MIB2: variants seen among roughly 807,000 people sequenced by gnomAD.
MIB2 encodes MIB E3 ubiquitin protein ligase 2.
A neutral mutation model predicts 96.6 loss-of-function variants in MIB2; 78 were observed. The ratio of observed to expected loss-of-function variants is 0.81; its 90% CI spans 0.67 to 0.97. The LOEUF (loss-of-function observed/expected upper bound fraction) is 0.97. MIB2 is among the 50% of genes least tolerant of loss of function. The pLI is 0.00. For missense variants in MIB2, 1,543 were observed against 1,424.0 expected (o/e 1.08, Z -1.35); for synonymous variants, 820 against 629.5 (o/e 1.30, Z -4.53).
Position 1,628,733 on chromosome 1 carries a change from G to A in MIB2, c.2202+11G>A, listed in dbSNP as rs1645061813. On this transcript the variant is annotated intron_variant, in intron 16 of 19. Coordinates refer to ENST00000355826, the MANE Select transcript of MIB2 (RefSeq NM_001170687.4). The stretch of plus-strand genomic sequence containing the variant: ...CAGCTGCTGTCCAGGGTGAGGAAGT[G>A]TGGCGTGGGGTGCTGGAGAGGCTGC... 2 of 1,513,790 alleles carry A rather than the reference G, an allele frequency of 1.3e-6. No individual in the cohort carries two copies. The highest frequency in any genetic ancestry group is 2.4e-5 in the East Asian group (1 of 40,956). The allele number at this position is 1,513,790 out of a possible 1,614,324, so 93.8% of individuals were successfully genotyped here.
At position 1,624,819 on chromosome 1, in the gene MIB2, C is replaced by A; in HGVS notation, c.444C>A (p.Gly148=). The A allele has an allele frequency of 6.2e-7, 1 of 1,613,040 alleles. No homozygotes were observed. The highest frequency in any genetic ancestry group is 8.5e-7 in the Non-Finnish European group (1 of 1,179,974). The change falls in exon 5 of 20, where the codon GGC becomes GGA. Residue 148 remains glycine (G), a synonymous_variant. Coordinates refer to ENST00000355826, the MANE Select transcript of MIB2 (RefSeq NM_001170687.4). ...SRPVTLSPRQ[G]LPRIPLRGIF... is the part of the protein sequence containing the mutation. ...GTGTCACACTGAGTCCCCGCCAGGGCCTCCCGAGGATCCCACTAAGGGGCA... is the reference window on the plus strand; with the variant it reads ...GTGTCACACTGAGTCCCCGCCAGGGACTCCCGAGGATCCCACTAAGGGGCA...
At position 1,627,409 on chromosome 1, in the gene MIB2, C is replaced by A; in HGVS notation, c.1488C>A (p.Asp496Glu). Residue 496 changes from aspartate (D) to glutamate (E), a missense_variant, in exon 12 of 20, where the codon GAC (aspartate) becomes GAA (glutamate). Transcript: ENST00000355826. ...GGGCGGGCGTGGACCTGCCGGACGA[C>A]GAGGGCAACACGGCACTGCACTACG... The part of the protein sequence containing the change: ...QARAGVDLPD[D>E]EGNTALHYAA... The A allele has an allele frequency of 1.2e-6, 2 of 1,612,834 alleles. No individual in the cohort carries two copies. Among genetic ancestry groups the A allele is most frequent in the East Asian group, 2.2e-5 (1 of 44,858 alleles).
intron 4 of MIB2, 199 bp downstream of exon 4, chr1:1,624,144 G>A (rs1024456853): frequency 3.2e-5 from 20 of 632,544 alleles, no homozygotes; most frequent in Non-Finnish European, 5.3e-5. Flanking sequence ...GGCAGCAGTG[G>A]CCATCAGGCA....
At position 1,628,628 on chromosome 1, in the gene MIB2, C is replaced by T; in HGVS notation, c.2108C>T (p.Thr703Ile). Residue 703 changes from threonine (T) to isoleucine (I), a missense_variant, in exon 16 of 20, where the codon ACA becomes ATA. Thr to Ile is a moderately conservative substitution (Grantham distance 89). Transcript: ENST00000355826. ...SVNAEDEEGD[T>I]ALHVALQRHQ... ...AACGCCGAGGACGAGGAGGGGGACA[C>T]AGCCCTGCACGTGGCGCTGCAGCGT... 1 of 1,597,490 alleles carries T rather than the reference C, an allele frequency of 6.3e-7. No homozygotes were observed. The highest frequency in any genetic ancestry group is 1.1e-5 in the South Asian group (1 of 89,662).
At position 1,625,856 on chromosome 1, in the gene MIB2, G is replaced by A. The variant is rs1416453289; in HGVS notation, c.972+203G>A. On this transcript the variant is annotated intron_variant, in intron 8 of 19. Coordinates refer to ENST00000355826, the MANE Select transcript of MIB2 (RefSeq NM_001170687.4). This position sits in a 1 kb window ranked among gnomAD's most constrained non-coding sequence, Gnocchi z 5.0. ...GTTGGGTGTGAAGGAACCCAGAGGA[G>A]GGTATGTCTCTGGGAGCTGGAATGG... 2 of 590,904 alleles carry A rather than the reference G, an allele frequency of 3.4e-6. No individual in the cohort carries two copies. Among genetic ancestry groups the A allele is most frequent in the Non-Finnish European group, 6.1e-6 (2 of 330,488 alleles). The allele number at this position is 590,904 out of a possible 1,614,324, so 36.6% of individuals were successfully genotyped here. A position where few individuals can be genotyped will look rare whatever the true frequency, so the allele number is the denominator to read the frequency against.
In MIB2 at chr1:1,629,377, C is replaced by G; in HGVS notation, c.2382-8C>G. On this transcript the variant is annotated splice_polypyrimidine_tract_variant and splice_region_variant and intron_variant, in intron 17 of 19. Coordinates refer to ENST00000355826, the MANE Select transcript of MIB2 (RefSeq NM_001170687.4). ...GGGCCCCTCTCAAGCCGCCTCCTCC[C>G]CCTGCAGGGAGCGGCAGGCGGGCGG... 6.9e-7 allele frequency: 1 copy of G among 1,449,618 alleles called. No homozygotes were observed. The highest frequency in any genetic ancestry group is 9.0e-7 in the Non-Finnish European group (1 of 1,115,454). The allele number at this position is 1,449,618 out of a possible 1,614,324, so 89.8% of individuals were successfully genotyped here. A position where few individuals can be genotyped will look rare whatever the true frequency, so the allele number is the denominator to read the frequency against.
chr1:1,625,743 G>T lies in MIB2; in HGVS notation c.972+90G>T. 1 of 1,099,084 alleles carries T rather than the reference G, an allele frequency of 9.1e-7. No individual in the cohort carries two copies. The highest frequency in any genetic ancestry group is 1.3e-6 in the Non-Finnish European group (1 of 752,986). 68.1% of individuals were successfully genotyped at this position (1,099,084 alleles called of 1,614,324 possible). A position where few individuals can be genotyped will look rare whatever the true frequency, so the allele number is the denominator to read the frequency against. On this transcript the variant is annotated intron_variant, in intron 8 of 19. Transcript: ENST00000355826. The surrounding 1 kb of genome is among the most constrained non-coding windows in gnomAD (Gnocchi z 5.0). ...GGCCTTGGGGGGTCAGGCAGGACTA[G>T]GGTGCCAGCTGCACCCACGAGTCCC...
At chr1:1,616,319 G>T in intron 1 of MIB2, 189 bp from the exon 2 acceptor site, 1 of 457,916 alleles carries the variant, frequency 2.2e-6, no homozygotes, top group Non-Finnish European at 3.7e-6. Flanking sequence ...ACGCAATTAC[G>T]GGCCCGGCGC....
rs1401655237 is a variant in MIB2, at chr1:1,627,780, T to C, written c.1631T>C (p.Leu544Pro). The C allele has an allele frequency of 6.3e-7, 1 of 1,598,518 alleles. No homozygotes were observed. Among genetic ancestry groups the C allele is most frequent in the Non-Finnish European group, 8.5e-7 (1 of 1,179,434 alleles). Residue 544 changes from leucine (L) to proline (P), a missense_variant, in exon 13 of 20, where the codon CTG becomes CCG. Coordinates refer to ENST00000355826, the MANE Select transcript of MIB2 (RefSeq NM_001170687.4). The stretch of plus-strand genomic sequence containing the variant: ...CACGTGGCCGTGCAGAGGGGCTTCC[T>C]GGAGGTGGTGCGGGCCCTGTGTGAG... ...ALHVAVQRGFLEVVRALCERG... is the reference protein window; with the variant it reads ...ALHVAVQRGFPEVVRALCERG...
At position 1,615,553 on chromosome 1, in the gene MIB2, C is replaced by G. The variant is rs1409332572; in HGVS notation, c.-210C>G. ...CCGCTCTCCTCAGTGCCCGGTGGCC[C>G]AGGAGGGCCTGGGAGCCCGAAGCCG... On this transcript the variant is annotated 5_prime_UTR_variant, in exon 1 of 20. Coordinates refer to ENST00000355826, the MANE Select transcript of MIB2 (RefSeq NM_001170687.4). 1 of 1,536,952 alleles carries G rather than the reference C, an allele frequency of 6.5e-7. No individual in the cohort carries two copies. Among genetic ancestry groups the G allele is most frequent in the Admixed American group, 2.0e-5 (1 of 51,030 alleles).
At chr1:1,627,533 CT>C in intron 12 of MIB2, 89 bp downstream of exon 12, 4 of 1,485,878 alleles carry the variant, frequency 2.7e-6, no homozygotes. Flanking sequence ...GGGGCTGAGC[CT>C]GTGCGTCCTG....
chr1:1,615,153 C>G (rs1643470802), upstream of MIB2: 6 of 406,212 alleles, frequency 1.5e-5, no homozygotes, highest in Non-Finnish European at 2.2e-5. Context: ...AGGACGGGCC[C>G]GGACTGCCGT....
In MIB2 at chr1:1,630,309, A is replaced by C; in HGVS notation, c.2647A>C (p.Ser883Arg). The C allele has an allele frequency of 7.6e-7, 1 of 1,308,376 alleles. No individual in the cohort carries two copies. Among genetic ancestry groups the C allele is most frequent in the Non-Finnish European group, 9.9e-7 (1 of 1,006,790 alleles). 81.0% of individuals were successfully genotyped at this position (1,308,376 alleles called of 1,614,324 possible). A position where few individuals can be genotyped will look rare whatever the true frequency, so the allele number is the denominator to read the frequency against. ...CCCCGCAGACGGCTCTGAGGTGGCGAGCGCCGCCCCCGCCCCCGGCCCGCC... is the reference window on the plus strand; with the variant it reads ...CCCCGCAGACGGCTCTGAGGTGGCGCGCGCCGCCCCCGCCCCCGGCCCGCC... ...KLRPDGSEVA[S>R]AAPAPGPPRQ... Residue 883 changes from serine (S) to arginine (R), a missense_variant, in exon 20 of 20, where the codon AGC becomes CGC. Transcript: ENST00000355826.
At chr1:1,618,283 G>A (rs1643928499) in intron 2 of MIB2, 1 of 152,412 alleles carries the variant, frequency 6.6e-6, no homozygotes, top group Non-Finnish European at 1.5e-5. Flanking sequence ...TCTGCACCTG[G>A]AGCCTTGTGG....
Position 1,627,056 on chromosome 1 carries a change from C to T in MIB2, c.1241-18C>T, listed in dbSNP as rs377647692. On this transcript the variant is annotated intron_variant, in intron 10 of 19. Coordinates refer to ENST00000355826, the MANE Select transcript of MIB2 (RefSeq NM_001170687.4). ...TGGGGCTGCCCCTGGCCACCACTAACCTCAGCCCTGCCCCCAGGCTCACTG... is the reference window on the plus strand; with the variant it reads ...TGGGGCTGCCCCTGGCCACCACTAATCTCAGCCCTGCCCCCAGGCTCACTG... 5.9e-5 allele frequency: 94 copies of T among 1,601,698 alleles called. 5 individuals are homozygous for T. The highest frequency in any genetic ancestry group is 5.4e-4 in the East Asian group (24 of 44,358).
intron 2 of MIB2, among the ~76,000 whole-genome samples, chr1:1,620,149 C>T (rs751651201): frequency 2.6e-5 from 4 of 152,244 alleles, no homozygotes; most frequent in Non-Finnish European, 5.9e-5. Flanking sequence ...GCACCCTGCC[C>T]CTGTCTTTTT....
At chr1:1,624,142 T>A in intron 4 of MIB2, 197 bp downstream of exon 4, 1 of 639,896 alleles carries the variant, frequency 1.6e-6, no homozygotes, top group South Asian at 2.2e-5. Flanking sequence ...CAGGCAGCAG[T>A]GGCCATCAGG....
chr1:1,625,055 T>C lies in MIB2; in HGVS notation c.591T>C (p.Ser197=), dbSNP rs750069228. 1.2e-6 allele frequency: 2 copies of C among 1,612,746 alleles called. No individual in the cohort carries two copies. Among genetic ancestry groups the C allele is most frequent in the East Asian group, 2.2e-5 (1 of 44,860 alleles). Residue 197 remains serine (S), a synonymous_variant, in exon 6 of 20, where the codon AGT becomes AGC. Coordinates refer to ENST00000355826, the MANE Select transcript of MIB2 (RefSeq NM_001170687.4). This position sits in a 1 kb window ranked among gnomAD's most constrained non-coding sequence, Gnocchi z 5.0. ...GCTGGGATGTGGAGACAGGCCGGAG[T>C]GTGGCCAGCGTGACGTGGGCTGATG... ...IRGWDVETGR[S]VASVTWADGT... is the part of the protein sequence containing the mutation.
chr1:1,616,643 A>T, intron 2 of MIB2, 29 bp downstream of exon 2: 1 of 1,537,030 alleles, frequency 6.5e-7, no homozygotes, highest in Non-Finnish European at 8.8e-7. Context: ...GCGGCCTGAT[A>T]GTTTGCACTT....
Sources: gnomAD v4.1 joint callset for allele counts (sites outside exome capture counted in the v4.1 genomes callset) on GRCh38, gnomAD v4.1.1 for gene constraint, Gnocchi (gnomAD v3.1) non-coding constraint, MANE v1.5 for transcripts, NCBI Gene and HGNC (gene_info 2026-07-23, HGNC 2026-07-21) for gene names.